SCN11A: variants seen among roughly 807,000 people sequenced by gnomAD.
The protein encoded by SCN11A is sodium voltage-gated channel alpha subunit 11, also known as sodium channel protein type 11 subunit alpha.
SCN11A carries 122 observed loss-of-function variants against 162.2 expected under a neutral mutation model. The ratio of observed to expected loss-of-function variants is 0.75; its 90% CI spans 0.65 to 0.87. SCN11A has a LOEUF of 0.87. SCN11A is among the 40% of genes least tolerant of loss of function. SCN11A has a pLI of 0.00. For synonymous variants in SCN11A, 758 were observed against 751.5 expected (o/e 1.01, Z -0.14); for missense variants, 2,015 against 2,181.6 (o/e 0.92, Z 1.52).
At chr3:38,895,469 A>G (rs1176171666) in intron 18 of SCN11A, among the ~76,000 whole-genome samples, 1 of 152,208 alleles carries the variant, frequency 6.6e-6, no homozygotes, top group East Asian at 1.9e-4. Context: ...AAGCCAAGCG[A>G]GTTGGACCAA....
intron 3 of SCN11A, among the ~76,000 whole-genome samples, chr3:38,957,151 A>G (rs987901587): frequency 6.6e-6 from 1 of 152,200 alleles, no homozygotes; most frequent in African/African-American, 2.4e-5. Flanking sequence ...ATTGAAAATT[A>G]AATAGTCCCT....
At chr3:39,005,676 TA>T (rs1457140382) in intron 2 of SCN11A, among the ~76,000 whole-genome samples, 1 of 151,498 alleles carries the variant, frequency 6.6e-6, no homozygotes, top group Non-Finnish European at 1.5e-5. Context: ...CAACTATCCA[TA>T]TTTTTTTATT....
At chr3:38,915,252 A>C (rs1220875095) in intron 11 of SCN11A, among the ~76,000 whole-genome samples, 1 of 152,022 alleles carries the variant, frequency 6.6e-6, no homozygotes, top group Non-Finnish European at 1.5e-5. Context: ...AGGTGTTTTT[A>C]GCAGTTTTTA....
intron 19 of SCN11A, among the ~76,000 whole-genome samples, chr3:38,889,385 G>A (rs9878962): frequency 0.47 from 70,739 of 151,600 alleles, 16,588 homozygotes; most frequent in Middle Eastern, 0.51. Flanking sequence ...AGATTGTGCC[G>A]TTGCACTCCA....
chr3:38,963,365 A>ATATG (rs1459606128), intron 2 of SCN11A, among the ~76,000 whole-genome samples: 36 of 73,204 alleles, frequency 4.9e-4, no homozygotes, highest in African/African-American at 3.3e-3. Flanking sequence ...ATATATATAT[A>ATATG]TATATATATA....
rs1001472421 is a variant in SCN11A, at chr3:38,998,807, A to G, written c.-280+33573T>C. The stretch of plus-strand genomic sequence containing the variant: ...TCATTCTCAGCAAACTATCACAAGG[A>G]CAAAAAACCAAACACCACATGTTCT... On this transcript the variant is annotated intron_variant, in intron 2 of 29. Transcript: ENST00000302328. Among the ~76,000 whole-genome samples the G allele has an allele frequency of 2.0e-5, 3 of 151,252 alleles. No homozygotes were observed. In the East Asian group the frequency reaches 5.9e-4, roughly 30 times the overall value.
chr3:38,937,985 G>A (rs1438218241), intron 7 of SCN11A, among the ~76,000 whole-genome samples: 1 of 152,106 alleles, frequency 6.6e-6, no homozygotes, highest in Admixed American at 6.5e-5. Context: ...CAACCCAAAT[G>A]TCCAACAATG....
chr3:38,913,812 G>GC (rs1420216184), intron 11 of SCN11A, among the ~76,000 whole-genome samples: 2 of 152,142 alleles, frequency 1.3e-5, no homozygotes, highest in South Asian at 2.1e-4. Context: ...TAGGTGTGCA[G>GC]CCTTATTTCT....
chr3:38,933,060 G>T, intron 7 of SCN11A, among the ~76,000 whole-genome samples: 1 of 152,314 alleles, frequency 6.6e-6, no homozygotes. Context: ...AGCATTCGCG[G>T]TTCACAAAAA....
chr3:39,019,568 T>C (rs983415545), intron 2 of SCN11A, among the ~76,000 whole-genome samples: 1 of 152,226 alleles, frequency 6.6e-6, no homozygotes. Context: ...ATTGAGCAGT[T>C]GCAGTTTCAC....
At chr3:38,959,679 T>C (rs1181010069) in intron 3 of SCN11A, among the ~76,000 whole-genome samples, 7 of 152,240 alleles carry the variant, frequency 4.6e-5, no homozygotes, top group African/African-American at 1.7e-4. Flanking sequence ...AGGTGTAACC[T>C]GAACAAGTTC....
chr3:38,857,753 T>A (rs369573623), intron 28 of SCN11A, among the ~76,000 whole-genome samples: 2 of 152,126 alleles, frequency 1.3e-5, no homozygotes, highest in East Asian at 1.9e-4. Context: ...ACAAAAGAAT[T>A]AGATAACCTA....
chr3:38,966,307 C>T (rs1559559285), intron 2 of SCN11A, among the ~76,000 whole-genome samples: 2 of 152,046 alleles, frequency 1.3e-5, no homozygotes, highest in African/African-American at 2.4e-5. Context: ...ATCAGTTTCA[C>T]ATAACAAAGG....
chr3:39,018,748 G>A (rs191708321), intron 2 of SCN11A, among the ~76,000 whole-genome samples: 1 of 152,256 alleles, frequency 6.6e-6, no homozygotes, highest in Non-Finnish European at 1.5e-5. Flanking sequence ...AACCCGGGAG[G>A]CAGAGCTTGC....
At chr3:39,010,378 C>CTT (rs201494677) in intron 2 of SCN11A, among the ~76,000 whole-genome samples, 16 of 120,732 alleles carry the variant, frequency 1.3e-4, no homozygotes, top group African/African-American at 2.2e-4. Context: ...TTTAGTTTTT[C>CTT]TTTTTTCTTT....
At chr3:38,903,258 C>T (rs987740440) in intron 16 of SCN11A, among the ~76,000 whole-genome samples, 4 of 152,070 alleles carry the variant, frequency 2.6e-5, no homozygotes, top group African/African-American at 9.7e-5. Context: ...CCACAAGAAC[C>T]ATAAACTGAA....
intron 2 of SCN11A, among the ~76,000 whole-genome samples, chr3:38,985,265 C>T (rs1487996852): frequency 1.4e-5 from 2 of 147,468 alleles, no homozygotes; most frequent in Non-Finnish European, 3.0e-5. Context: ...GTAGCTGGGA[C>T]TACAGGCACC....
intron 7 of SCN11A, among the ~76,000 whole-genome samples, chr3:38,939,994 C>G (rs989398230): frequency 2.0e-5 from 3 of 149,940 alleles, no homozygotes; most frequent in Non-Finnish European, 4.4e-5. Context: ...CAAATTTTAT[C>G]AAAAATAGCA....
rs1179393102 is a variant in SCN11A at position 39,048,951 on chromosome 3, T to G, written c.-404+2910A>C. ...ACCAGACATGTGAGAGAAGGGGTCT[T>G]CAGATGATTCCAGCCCCAATCTTTT... On this transcript the variant is annotated intron_variant, in intron 1 of 29. Coordinates refer to ENST00000302328, the MANE Select transcript of SCN11A (RefSeq NM_001349253.2). 5.3e-5 allele frequency among the ~76,000 whole-genome samples: 8 copies of G among 152,344 alleles called. No individual in the cohort carries two copies. The East Asian group carries it at 1.5e-3, about 29-fold the overall frequency.
Sources: gnomAD v4.1 joint callset for allele counts (sites outside exome capture counted in the v4.1 genomes callset) on GRCh38, gnomAD v4.1.1 for gene constraint, MANE v1.5 for transcripts, NCBI Gene and HGNC (gene_info 2026-07-23, HGNC 2026-07-21) for gene names.